The following ZNF729 variants were observed in gnomAD, a reference collection of about 807,000 sequenced individuals.
The protein encoded by ZNF729 is zinc finger protein 729.
ZNF729 carries 15 observed loss-of-function variants against 12.2 expected under a neutral mutation model. That is an observed-to-expected ratio of 1.23 (90% CI 0.82 to 1.89). The LOEUF (loss-of-function observed/expected upper bound fraction) is 1.89. ZNF729 is among the 40% of genes most tolerant of loss of function. ZNF729 has a pLI of 0.00. For synonymous variants in ZNF729, 492 were observed against 476.3 expected (o/e 1.03, Z -0.43); for missense variants, 1,540 against 1,456.7 (o/e 1.06, Z -0.93).
At chr19:22,310,201 C>G (rs368239588) in intron 3 of ZNF729, among the ~76,000 whole-genome samples, 4 of 151,950 alleles carry the variant, frequency 2.6e-5, no homozygotes, top group South Asian at 4.2e-4. Context: ...GATGCCCTAT[C>G]TTTTTTCTGC....
rs759962886 is a variant in ZNF729, at chr19:22,316,986, G to A, written c.3569G>A (p.Cys1190Tyr). The A allele has an allele frequency of 3.1e-6, 5 of 1,612,696 alleles. No homozygotes were observed. The highest frequency in any genetic ancestry group is 1.7e-5 in the Admixed American group (1 of 60,012). The part of the protein sequence containing the change: ...TIHTGEKPYK[C>Y]EECGKAFIQC... ...CATACTGGAGAGAAACCCTACAAAT[G>A]TGAAGAATGTGGCAAAGCTTTTATT... The change falls in exon 4 of 4, where the codon TGT (cysteine) becomes TAT (tyrosine). Residue 1190 changes from cysteine to tyrosine, a missense_variant. Cys to Tyr is a radical substitution (Grantham distance 194). Coordinates refer to ENST00000601693, the MANE Select transcript of ZNF729 (RefSeq NM_001242680.2).
At chr19:22,313,252 A>AT (rs1336529910) in intron 3 of ZNF729, among the ~76,000 whole-genome samples, 1 of 151,824 alleles carries the variant, frequency 6.6e-6, no homozygotes, top group Non-Finnish European at 1.5e-5. Context: ...AAGTTTTTCC[A>AT]TTTTGACCAG....
intron 1 of ZNF729, among the ~76,000 whole-genome samples, chr19:22,294,455 T>C (rs143874493): frequency 1.1e-3 from 162 of 152,278 alleles, no homozygotes; most frequent in African/African-American, 3.7e-3. Context: ...TCGGGCTCTT[T>C]TTTCCTTCCA....
intron 1 of ZNF729, among the ~76,000 whole-genome samples, chr19:22,301,993 C>T (rs1385919095): frequency 2.6e-5 from 4 of 152,308 alleles, no homozygotes; most frequent in African/African-American, 7.2e-5. Context: ...ACTGGAAACC[C>T]TCTCACAATC....
chr19:22,291,535 C>T (rs1186304480), intron 1 of ZNF729, among the ~76,000 whole-genome samples: 1 of 136,462 alleles, frequency 7.3e-6, no homozygotes. Flanking sequence ...ATATCCCAAC[C>T]CCCAGACACT....
rs774325488 is a variant in ZNF729, at chr19:22,313,948, G to T, written c.531G>T (p.Lys177Asn). The change falls in exon 4 of 4, where the codon AAG (lysine) becomes AAT (asparagine). Residue 177 changes from lysine (K) to asparagine (N), a missense_variant. By Grantham distance (94) the Lys-to-Asn change is moderately conservative. Transcript: ENST00000601693. ...SNRNKVRHTKKKTFKCIKCSK... is the reference protein window; with the variant it reads ...SNRNKVRHTKNKTFKCIKCSK... The stretch of plus-strand genomic sequence containing the variant: ...GAAATAAGGTTAGACACACTAAAAA[G>T]AAAACTTTCAAATGTATAAAATGTA... 1.4e-5 allele frequency: 22 copies of T among 1,535,572 alleles called. 1 individual carries two copies. In the African/African-American group the frequency reaches 2.1e-4, roughly 14 times the overall value.
chr19:22,304,187 C>T (rs962081914), intron 2 of ZNF729, among the ~76,000 whole-genome samples: 3 of 151,830 alleles, frequency 2.0e-5, no homozygotes, highest in Non-Finnish European at 4.4e-5. Context: ...TATAGGCATG[C>T]GACACCACAC....
chr19:22,308,419 G>T (rs1362275236), intron 3 of ZNF729, among the ~76,000 whole-genome samples: 1 of 152,084 alleles, frequency 6.6e-6, no homozygotes, highest in Non-Finnish European at 1.5e-5. Flanking sequence ...ATGGTAGTAT[G>T]ACTTTTAGTT....
intron 1 of ZNF729, among the ~76,000 whole-genome samples, chr19:22,293,047 C>T (rs1280362696): frequency 6.6e-6 from 1 of 152,154 alleles, no homozygotes; most frequent in Non-Finnish European, 1.5e-5. Context: ...TTTGTAATAA[C>T]AGCCATTTTG....
chr19:22,313,699 T>C lies in ZNF729; in HGVS notation c.282T>C (p.Leu94=). 4 of 1,528,282 alleles carry C rather than the reference T, an allele frequency of 2.6e-6. No homozygotes were observed. Among genetic ancestry groups the C allele is most frequent in the Non-Finnish European group, 3.5e-6 (4 of 1,145,914 alleles). 94.7% of individuals were successfully genotyped at this position (1,528,282 alleles called of 1,614,324 possible). ...PVMRSHFTQD[L]WPDQSTKDSF... ...TGCGTTCTCATTTTACACAAGACCT[T>C]TGGCCAGATCAGAGCACAAAAGATT... The change falls in exon 4 of 4, where the codon CTT becomes CTC. Residue 94 remains leucine (L), a synonymous_variant. Coordinates refer to ENST00000601693, the MANE Select transcript of ZNF729 (RefSeq NM_001242680.2).
Position 22,316,476 on chromosome 19 carries a change from A to G in ZNF729, c.3059A>G (p.Tyr1020Cys). The stretch of plus-strand genomic sequence containing the variant: ...CTAATTCATACTAGGGAGAAATTGT[A>G]CAAATGTGAAGAATGTGTCAAAGCT... ...HKLIHTREKLYKCEECVKAFN... is the reference protein window; with the variant it reads ...HKLIHTREKLCKCEECVKAFN... Residue 1020 changes from tyrosine (Y) to cysteine (C), a missense_variant, in exon 4 of 4, where the codon TAC becomes TGC. Transcript: ENST00000601693. 6.2e-7 allele frequency: 1 copy of G among 1,613,644 alleles called. No individual in the cohort carries two copies. Among genetic ancestry groups the G allele is most frequent in the Non-Finnish European group, 8.5e-7 (1 of 1,179,736 alleles).
rs1568579239 is a variant in ZNF729 at position 22,316,975 on chromosome 19, A to G, written c.3558A>G (p.Lys1186=). The G allele has an allele frequency of 5.6e-6, 9 of 1,612,978 alleles. No individual in the cohort carries two copies. Among genetic ancestry groups the G allele is most frequent in the Non-Finnish European group, 7.6e-6 (9 of 1,180,002 alleles). The stretch of plus-strand genomic sequence containing the variant: ...ACAAAACAATTCATACTGGAGAGAA[A>G]CCCTACAAATGTGAAGAATGTGGCA... ...TRHKTIHTGE[K]PYKCEECGKA... Residue 1186 remains lysine (K), a synonymous_variant, in exon 4 of 4, where the codon AAA becomes AAG. Transcript: ENST00000601693.
chr19:22,291,158 A>G (rs1968147484), intron 1 of ZNF729, among the ~76,000 whole-genome samples: 1 of 152,082 alleles, frequency 6.6e-6, no homozygotes, highest in Non-Finnish European at 1.5e-5. Flanking sequence ...ACCAAGCTCT[A>G]CAAATTTGGT....
chr19:22,293,494 A>ATTTTTTTTTTTTTTTTTTTT (rs56180581), intron 1 of ZNF729, among the ~76,000 whole-genome samples: 1 of 96,064 alleles, frequency 1.0e-5, no homozygotes, highest in African/African-American at 4.2e-5. Context: ...CCTTTTGTCT[A>ATTTTTTTTTTTTTTTTTTTT]TTTTTTTTTT....
chr19:22,299,913 G>A (rs1968283279), intron 1 of ZNF729: 1 of 152,260 alleles, frequency 6.6e-6, no homozygotes, highest in Non-Finnish European at 1.5e-5. Context: ...TAAGATGTGA[G>A]CTTTCAGATG....
chr19:22,309,446 G>GA (rs1010173222), intron 3 of ZNF729, among the ~76,000 whole-genome samples: 4 of 151,348 alleles, frequency 2.6e-5, no homozygotes, highest in African/African-American at 7.3e-5. Context: ...CTCCATCTCA[G>GA]AAAAAAAAGA....
intron 3 of ZNF729, among the ~76,000 whole-genome samples, chr19:22,306,004 CAG>C (rs1270156996): frequency 2.0e-5 from 3 of 151,778 alleles, no homozygotes; most frequent in Non-Finnish European, 4.4e-5. Context: ...TTTTTAGAGA[CAG>C]GGTTTTGCCT....
intron 3 of ZNF729, among the ~76,000 whole-genome samples, chr19:22,311,884 C>T (rs1968453626): frequency 6.6e-6 from 1 of 152,078 alleles, no homozygotes; most frequent in African/African-American, 2.4e-5. Flanking sequence ...GTGTTAGGTG[C>T]ATGTATGTTT....
intron 3 of ZNF729, among the ~76,000 whole-genome samples, chr19:22,307,831 AAGTAACC>A (rs1968403633): frequency 1.6e-5 from 1 of 61,386 alleles, no homozygotes; most frequent in South Asian, 4.4e-4. Flanking sequence ...TTTTGTCTTT[AAGTAACC>A]TGTATACTAC....
Sources: gnomAD v4.1 joint callset for allele counts (sites outside exome capture counted in the v4.1 genomes callset) on GRCh38, gnomAD v4.1.1 for gene constraint, MANE v1.5 for transcripts, NCBI Gene and HGNC (gene_info 2026-07-23, HGNC 2026-07-21) for gene names.